The following HSD17B12 variants were observed in gnomAD, a reference collection of about 807,000 sequenced individuals.
HSD17B12 encodes the protein very-long-chain 3-oxoacyl-CoA reductase.
A neutral mutation model predicts 39.3 loss-of-function variants in HSD17B12; 32 were observed. The ratio of observed to expected loss-of-function variants is 0.81; its 90% CI spans 0.61 to 1.09. The LOEUF is 1.09. Among genes scored for constraint, HSD17B12 ranks in the 50% least tolerant of loss-of-function variants. The probability of loss-of-function intolerance (pLI) is 0.00; values close to 1 mark genes in which losing one functional copy is unlikely to be tolerated. For synonymous variants in HSD17B12, 150 were observed against 146.7 expected, an observed-to-expected ratio of 1.02 and a Z score of -0.16; for missense variants, 342 against 382.9, an observed-to-expected ratio of 0.89 and a Z score of 0.89.
the HSD17B12 span, among the ~76,000 whole-genome samples, chr11:43,631,736 T>C: frequency 6.6e-6 from 1 of 152,282 alleles, no homozygotes; most frequent in South Asian, 2.1e-4. Context: ...ATTAAACTCT[T>C]AGCTGCTGTG....
chr11:43,648,615 A>G, the HSD17B12 span, among the ~76,000 whole-genome samples: 1 of 152,256 alleles, frequency 6.6e-6, no homozygotes, highest in Admixed American at 6.5e-5. Context: ...AAAGAATCGA[A>G]TAAAGCAGTT....
chr11:43,571,196 C>T, the HSD17B12 span, among the ~76,000 whole-genome samples: 1 of 152,206 alleles, frequency 6.6e-6, no homozygotes, highest in Non-Finnish European at 1.5e-5. Context: ...TATCTCTCTG[C>T]CTGCTGAATT....
chr11:43,771,671 T>G (rs1950651611), intron 3 of HSD17B12, among the ~76,000 whole-genome samples: 1 of 151,996 alleles, frequency 6.6e-6, no homozygotes, highest in African/African-American at 2.4e-5. Flanking sequence ...TTCACCATGT[T>G]GACCACACTG....
At chr11:43,579,892 C>T in the HSD17B12 span, among the ~76,000 whole-genome samples, 1 of 151,962 alleles carries the variant, frequency 6.6e-6, no homozygotes, top group African/African-American at 2.4e-5. Context: ...CGCGCGCGCC[C>T]GCCCGCACGT....
the HSD17B12 span, among the ~76,000 whole-genome samples, chr11:43,636,465 T>C: frequency 2.0e-5 from 3 of 152,106 alleles, no homozygotes; most frequent in East Asian, 3.9e-4. Context: ...AAACATGAGA[T>C]AGAGGATATA....
the HSD17B12 span, among the ~76,000 whole-genome samples, chr11:43,592,866 C>T: frequency 6.6e-6 from 1 of 151,820 alleles, no homozygotes; most frequent in African/African-American, 2.4e-5. Flanking sequence ...TTTTTGATCT[C>T]ACACACTCTT....
In HSD17B12 at chr11:43,718,772, C is replaced by T; in HGVS notation, c.161-32139C>T. 3 of 1,190,966 alleles carry T rather than the reference C, an allele frequency of 2.5e-6. No homozygotes were observed. In the South Asian group the frequency reaches 3.7e-5, roughly 15 times the overall value. 73.8% of individuals were successfully genotyped at this position (1,190,966 alleles called of 1,614,324 possible). On this transcript the variant is annotated intron_variant, in intron 1 of 10. Transcript: ENST00000278353. ...CAAGAAGGCAGTGTTGAAAGGTGTT[C>T]ACAGCCACAAAAAAAAGAAGACCCG...
At chr11:43,799,721 C>T (rs754957732) in intron 4 of HSD17B12, among the ~76,000 whole-genome samples, 5 of 152,154 alleles carry the variant, frequency 3.3e-5, no homozygotes, top group Non-Finnish European at 7.4e-5. Flanking sequence ...CATTTTCTAA[C>T]ATTTCTTTAG....
rs145784957 is a variant in HSD17B12 at position 43,703,549 on chromosome 11, G to C, written c.160+22562G>C. 2.0e-4 allele frequency among the ~76,000 whole-genome samples: 30 copies of C among 152,180 alleles called. No homozygotes were observed. The East Asian group carries it at 3.1e-3, about 16-fold the overall frequency. On this transcript the variant is annotated intron_variant, in intron 1 of 10. Coordinates refer to ENST00000278353, the MANE Select transcript of HSD17B12 (RefSeq NM_016142.3). Reference sequence around the variant, plus strand: ...TCAGTAGTGAACCCATCCAATCCTGGGCTTTTCTTTAGTGGGAGACTTTTT... The same window carrying C: ...TCAGTAGTGAACCCATCCAATCCTGCGCTTTTCTTTAGTGGGAGACTTTTT...
At chr11:43,827,719 C>T (rs1389925307) in intron 6 of HSD17B12, among the ~76,000 whole-genome samples, 1 of 152,170 alleles carries the variant, frequency 6.6e-6, no homozygotes, top group Non-Finnish European at 1.5e-5. Context: ...ATCTAATCAT[C>T]TAAATAATCT....
At chr11:43,833,286 C>T (rs1951332302) in intron 7 of HSD17B12, 1 of 152,184 alleles carries the variant, frequency 6.6e-6, no homozygotes, top group Admixed American at 6.5e-5. Context: ...CCTGCTGAAA[C>T]ATGCCACTCC....
chr11:43,834,771 T>G (rs6485472), intron 7 of HSD17B12, among the ~76,000 whole-genome samples: 54,693 of 151,870 alleles, frequency 0.36, 10,609 homozygotes, highest in East Asian at 0.7. Flanking sequence ...AGGGACTGAG[T>G]TTTATAGAGT....
chr11:43,659,639 CT>C, the HSD17B12 span, among the ~76,000 whole-genome samples: 1 of 151,974 alleles, frequency 6.6e-6, no homozygotes, highest in Non-Finnish European at 1.5e-5. Flanking sequence ...AAAACTTTTC[CT>C]TATCAAAATA....
chr11:43,727,573 G>T (rs1178893013), intron 1 of HSD17B12, among the ~76,000 whole-genome samples: 1 of 151,550 alleles, frequency 6.6e-6, no homozygotes, highest in Non-Finnish European at 1.5e-5. Flanking sequence ...TCCTGCCTCA[G>T]CCTCCTGAGT....
At chr11:43,710,261 G>T (rs141812325) in intron 1 of HSD17B12, among the ~76,000 whole-genome samples, 3 of 152,220 alleles carry the variant, frequency 2.0e-5, no homozygotes. Context: ...TTAATGGAGC[G>T]TATCTTCTGC....
the HSD17B12 span, among the ~76,000 whole-genome samples, chr11:43,597,311 G>A: frequency 6.8e-3 from 1,043 of 152,304 alleles, 13 homozygotes; most frequent in African/African-American, 0.024. Context: ...AAGGTCTGGA[G>A]TGGTGGGTGC....
chr11:43,632,012 AG>A, the HSD17B12 span, among the ~76,000 whole-genome samples: 1 of 151,854 alleles, frequency 6.6e-6, no homozygotes, highest in Non-Finnish European at 1.5e-5. Flanking sequence ...TGAGTGAGGG[AG>A]GGGGAGGAGG....
At chr11:43,684,023 A>G (rs1949774975) in intron 1 of HSD17B12, among the ~76,000 whole-genome samples, 1 of 152,230 alleles carries the variant, frequency 6.6e-6, no homozygotes, top group Admixed American at 6.5e-5. Flanking sequence ...AATATTCTAG[A>G]TAACAGTTTC....
At chr11:43,789,024 G>A (rs891204907) in intron 3 of HSD17B12, among the ~76,000 whole-genome samples, 6 of 152,180 alleles carry the variant, frequency 3.9e-5, no homozygotes, top group African/African-American at 9.6e-5. Context: ...TTTTCTTTCC[G>A]CTTCTCTGTG....
Sources: allele counts gnomAD v4.1 joint callset (sites outside exome capture counted in the v4.1 genomes callset), GRCh38; gene constraint gnomAD v4.1.1; transcripts MANE v1.5; gene names NCBI Gene and HGNC (gene_info 2026-07-23, HGNC 2026-07-21).